SHPRH: variants seen among roughly 807,000 people sequenced by gnomAD.
The protein encoded by SHPRH is E3 ubiquitin-protein ligase SHPRH.
In SHPRH, 106 loss-of-function variants were observed where a neutral mutation model predicts 202.5. The ratio of observed to expected loss-of-function variants is 0.52; its 90% CI spans 0.45 to 0.62. The LOEUF is 0.62. Ranked by LOEUF, SHPRH falls within the 20% of genes least tolerant of loss-of-function variation. SHPRH has a pLI of 0.00. For missense variants in SHPRH, 1,710 were observed against 2,020.0 expected (o/e 0.85, Z 2.94); for synonymous variants, 729 against 686.0 (o/e 1.06, Z -0.98).
chr6:145,911,857 C>T (rs982628262), intron 24 of SHPRH, among the ~76,000 whole-genome samples: 3 of 152,052 alleles, frequency 2.0e-5, no homozygotes, highest in African/African-American at 7.2e-5. Flanking sequence ...TAATACTATT[C>T]CTACTGTTCT....
intron 28 of SHPRH, among the ~76,000 whole-genome samples, chr6:145,889,694 AT>A (rs1781420575): frequency 6.6e-6 from 1 of 152,182 alleles, no homozygotes; most frequent in Non-Finnish European, 1.5e-5. Context: ...CACTATGTAT[AT>A]GCAAATATTC....
rs1295398994 is a variant in SHPRH at position 145,934,856 on chromosome 6, T to C, written c.2990+51A>G. Reference sequence around the variant, plus strand: ...TGAATGAAACCGTGGGCCTGAAATATTGTCTATTATGATATACCAACTGCA... The same window carrying C: ...TGAATGAAACCGTGGGCCTGAAATACTGTCTATTATGATATACCAACTGCA... On this transcript the variant is annotated intron_variant, in intron 13 of 29. Transcript: ENST00000275233. 6.6e-6 allele frequency: 10 copies of C among 1,517,474 alleles called. No homozygotes were observed. The East Asian group carries it at 1.6e-4, about 24-fold the overall frequency. 94.0% of individuals were successfully genotyped at this position (1,517,474 alleles called of 1,614,324 possible).
chr6:145,920,184 A>C (rs1159892224), intron 21 of SHPRH, among the ~76,000 whole-genome samples: 4 of 152,132 alleles, frequency 2.6e-5, no homozygotes, highest in African/African-American at 9.6e-5. Flanking sequence ...GCAGGAGCTC[A>C]TTCAATTGCT....
intron 3 of SHPRH, among the ~76,000 whole-genome samples, chr6:145,951,259 A>C (rs1206926927): frequency 6.6e-6 from 1 of 152,114 alleles, no homozygotes; most frequent in Non-Finnish European, 1.5e-5. Flanking sequence ...TAAAAACATA[A>C]TTCTTTCAAG....
At chr6:145,944,107 A>G (rs1008452715) in intron 8 of SHPRH, among the ~76,000 whole-genome samples, 1 of 152,206 alleles carries the variant, frequency 6.6e-6, no homozygotes, top group African/African-American at 2.4e-5. Flanking sequence ...AAATCAATAC[A>G]AGACTAGTAC....
chr6:145,862,342 T>G (rs1779607165), downstream of SHPRH, among the ~76,000 whole-genome samples: 1 of 151,224 alleles, frequency 6.6e-6, no homozygotes, highest in Non-Finnish European at 1.5e-5. Context: ...TAGTCCCAGC[T>G]ACTCGGGAGG....
chr6:145,936,226 GA>G (rs199659371), intron 11 of SHPRH, among the ~76,000 whole-genome samples: 64 of 141,062 alleles, frequency 4.5e-4, no homozygotes, highest in Middle Eastern at 3.6e-3. Context: ...ATATGAAGTG[GA>G]AAAAAAAAAA....
At chr6:145,939,722 T>C (rs1428273828) in intron 11 of SHPRH, among the ~76,000 whole-genome samples, 4 of 152,154 alleles carry the variant, frequency 2.6e-5, no homozygotes, top group Non-Finnish European at 4.4e-5. Context: ...TCTATAAATA[T>C]GTATCTAAAT....
Position 145,924,245 on chromosome 6 carries a change from T to C in SHPRH, c.3403-460A>G, listed in dbSNP as rs768766783. On this transcript the variant is annotated intron_variant, in intron 17 of 29. Transcript: ENST00000275233. ...CCAGAATACTAAATAATGAATGAAT[T>C]AGAAAGACAAAAATTTGCAACACCT... Among the ~76,000 whole-genome samples, 108 of 151,658 alleles carry C rather than the reference T, an allele frequency of 7.1e-4. 1 individual carries two copies. Among genetic ancestry groups the C allele is most frequent in the Non-Finnish European group, 2.2e-4 (15 of 67,852 alleles).
intron 14 of SHPRH, among the ~76,000 whole-genome samples, chr6:145,929,996 T>G (rs988379564): frequency 8.5e-5 from 13 of 152,142 alleles, no homozygotes; most frequent in African/African-American, 2.9e-4. Flanking sequence ...TGTAATATTT[T>G]ATTGACAAAG....
chr6:145,933,292 AT>A (rs1785671698), intron 13 of SHPRH, 114 bp from the exon 14 acceptor site: 1 of 1,460,066 alleles, frequency 6.8e-7, no homozygotes, highest in African/African-American at 1.4e-5. Context: ...TTTTTGTGGT[AT>A]CTCTAGCATT....
At chr6:145,940,523 G>A (rs539037944) in intron 11 of SHPRH, among the ~76,000 whole-genome samples, 200 bp downstream of exon 11, 5 of 151,700 alleles carry the variant, frequency 3.3e-5, no homozygotes, top group East Asian at 1.9e-4. Flanking sequence ...AATATATATC[G>A]GTCCTCATAT....
intron 14 of SHPRH, among the ~76,000 whole-genome samples, chr6:145,932,729 A>G (rs1366671428): frequency 6.6e-6 from 1 of 152,190 alleles, no homozygotes; most frequent in Non-Finnish European, 1.5e-5. Context: ...ATTTCTAATC[A>G]TTTTGACTGT....
chr6:145,921,481 A>G (rs1784422915), intron 20 of SHPRH, 89 bp from the exon 21 acceptor site: 5 of 1,295,508 alleles, frequency 3.9e-6, no homozygotes, highest in Non-Finnish European at 4.3e-6. Context: ...ACATGTTTGC[A>G]AGTCTTTGGA....
chr6:145,914,612 C>A (rs189324859), intron 23 of SHPRH, among the ~76,000 whole-genome samples: 96 of 152,262 alleles, frequency 6.3e-4, no homozygotes, highest in South Asian at 2.1e-3. Context: ...TGGTAATTTG[C>A]AGATCCTTAA....
At chr6:145,877,600 A>G (rs530290962) in intron 2 of SHPRH, 2 of 152,344 alleles carry the variant, frequency 1.3e-5, no homozygotes, top group South Asian at 4.1e-4. Context: ...CATTCCATAG[A>G]AAATCTCCTT....
intron 25 of SHPRH, chr6:145,904,437 A>G (rs764349375): frequency 1.3e-5 from 2 of 152,140 alleles, no homozygotes; most frequent in African/African-American, 2.4e-5. Context: ...ACACAAAGCC[A>G]TCTTTATTTA....
chr6:145,910,424 CTA>C, intron 25 of SHPRH, 22 bp downstream of exon 25: 1 of 1,610,304 alleles, frequency 6.2e-7, no homozygotes, highest in South Asian at 1.1e-5. Flanking sequence ...ACCTATGCTT[CTA>C]TGTGTTCCTG....
At chr6:145,952,784 A>C (rs1788116414) in intron 2 of SHPRH, among the ~76,000 whole-genome samples, 1 of 152,094 alleles carries the variant, frequency 6.6e-6, no homozygotes, top group African/African-American at 2.4e-5. Flanking sequence ...GATTCCCAAA[A>C]CTGATGAATT....
Sources: gnomAD v4.1 joint callset for allele counts (sites outside exome capture counted in the v4.1 genomes callset) on GRCh38, gnomAD v4.1.1 for gene constraint, MANE v1.5 for transcripts, NCBI Gene and HGNC (gene_info 2026-07-23, HGNC 2026-07-21) for gene names.